Variants in HYDIN observed in about 807,000 individuals in gnomAD.
HYDIN encodes the protein axonemal central pair apparatus protein HYDIN.
Under a neutral mutation model 403.9 loss-of-function variants are expected in HYDIN, and 132 were observed. The observed-to-expected ratio is 0.33, with a 90% confidence interval of 0.28 to 0.38. The LOEUF (loss-of-function observed/expected upper bound fraction) is 0.38. Ranked by LOEUF, HYDIN falls within the 10% of genes least tolerant of loss-of-function variation. The pLI, the probability that HYDIN is intolerant of heterozygous loss-of-function variation, is 1.00. For missense variants in HYDIN, 2,827 were observed against 5,009.5 expected (o/e 0.56, Z 13.15); for synonymous variants, 1,202 against 1,891.7 (o/e 0.64, Z 9.46).
chr16:71,069,877 A>G (rs1164994655), intron 13 of HYDIN, among the ~76,000 whole-genome samples: 2 of 152,206 alleles, frequency 1.3e-5, no homozygotes, highest in Non-Finnish European at 2.9e-5. Context: ...TATTTCTTAC[A>G]CAAAAATATA....
intron 5 of HYDIN, among the ~76,000 whole-genome samples, chr16:71,168,897 A>G (rs1403353572): frequency 6.6e-6 from 1 of 152,208 alleles, no homozygotes; most frequent in Non-Finnish European, 1.5e-5. Flanking sequence ...CTCCCTGTAC[A>G]CTGATGATGG....
At chr16:70,947,012 C>T (rs1440597641) in intron 41 of HYDIN, among the ~76,000 whole-genome samples, 5 of 151,748 alleles carry the variant, frequency 3.3e-5, no homozygotes, top group Non-Finnish European at 5.9e-5. Flanking sequence ...TCCTCTTTTC[C>T]CAATTGAATA....
At chr16:70,917,324 G>C (rs1409266747) in intron 47 of HYDIN, among the ~76,000 whole-genome samples, 1 of 152,366 alleles carries the variant, frequency 6.6e-6, no homozygotes, top group East Asian at 1.9e-4. Context: ...CATGCCCACC[G>C]ACGCTACTGA....
intron 83 of HYDIN, among the ~76,000 whole-genome samples, chr16:70,825,152 A>C (rs1391513428): frequency 6.6e-6 from 1 of 152,156 alleles, no homozygotes; most frequent in Admixed American, 6.5e-5. Context: ...AATCATTCTC[A>C]CTCTGAAATT....
chr16:71,057,708 G>T (rs2081946390), intron 18 of HYDIN, among the ~76,000 whole-genome samples: 1 of 150,928 alleles, frequency 6.6e-6, no homozygotes, highest in South Asian at 2.1e-4. Context: ...CTGACAAAGG[G>T]CTAATATCCA....
chr16:71,094,442 G>A (rs1181544347), intron 10 of HYDIN, among the ~76,000 whole-genome samples: 1 of 152,062 alleles, frequency 6.6e-6, no homozygotes, highest in Non-Finnish European at 1.5e-5. Flanking sequence ...CATTATGGTT[G>A]GTAACTGCAG....
intron 10 of HYDIN, among the ~76,000 whole-genome samples, chr16:71,105,007 T>C (rs1375343924): frequency 1.5e-5 from 2 of 129,734 alleles, no homozygotes; most frequent in Non-Finnish European, 3.2e-5. Context: ...ATCCTAAGAG[T>C]TTGAGGTAAT....
intron 23 of HYDIN, among the ~76,000 whole-genome samples, chr16:70,993,089 C>A (rs896450942): frequency 2.0e-5 from 3 of 152,174 alleles, no homozygotes; most frequent in Non-Finnish European, 2.9e-5. Flanking sequence ...GAAGCTCCCA[C>A]CACTGGCCTA....
chr16:70,955,894 C>T (rs1013931325), intron 39 of HYDIN, among the ~76,000 whole-genome samples: 9 of 152,202 alleles, frequency 5.9e-5, no homozygotes, highest in Non-Finnish European at 1.2e-4. Context: ...TCTCAGCTCA[C>T]CGTAACCTCT....
intron 65 of HYDIN, 137 bp downstream of exon 65, chr16:70,871,900 G>C: frequency 1.9e-6 from 1 of 525,342 alleles, no homozygotes; most frequent in Non-Finnish European, 3.4e-6. Context: ...GTATGAGTGA[G>C]GGATGATTCC....
intron 6 of HYDIN, among the ~76,000 whole-genome samples, chr16:71,157,050 G>A (rs181432225): frequency 1.4e-5 from 2 of 138,828 alleles, no homozygotes; most frequent in East Asian, 2.1e-4. Flanking sequence ...TATACTGTTG[G>A]TTAGGCATCT....
At chr16:71,178,702 G>A (rs888500438) in intron 4 of HYDIN, among the ~76,000 whole-genome samples, 3 of 152,024 alleles carry the variant, frequency 2.0e-5, no homozygotes, top group Non-Finnish European at 4.4e-5. Flanking sequence ...TAGTGCACAC[G>A]TTGGGAGTTC....
Position 70,806,666 on chromosome 16 carries a change from G to A in HYDIN, c.*914C>T, listed in dbSNP as rs1346417240. Among the ~76,000 whole-genome samples, 1 of 152,172 alleles carries A rather than the reference G, an allele frequency of 6.6e-6. No individual in the cohort carries two copies. Among genetic ancestry groups the A allele is most frequent in the Non-Finnish European group, 1.5e-5 (1 of 68,042 alleles). On this transcript the variant is annotated 3_prime_UTR_variant, in exon 86 of 86. Transcript: ENST00000393567. ...CTGCCCCTCTTGTAGGAGGGCTGTG[G>A]GGGATGAGTGTGGGGAGCAGGTAGA...
intron 8 of HYDIN, 89 bp from the exon 9 acceptor site, chr16:71,129,912 T>G: frequency 2.6e-6 from 4 of 1,536,802 alleles, no homozygotes; most frequent in Non-Finnish European, 3.5e-6. Flanking sequence ...CTCCTGGAAA[T>G]GTCCTCAGCC....
At chr16:70,813,756 T>C (rs988453304) in intron 84 of HYDIN, among the ~76,000 whole-genome samples, 11 of 150,492 alleles carry the variant, frequency 7.3e-5, no homozygotes, top group Non-Finnish European at 1.2e-4. Context: ...AAAATTGATA[T>C]GTAAATGTAA....
At chr16:71,133,298 T>C (rs1457125323) in intron 8 of HYDIN, 2 of 456,358 alleles carry the variant, frequency 4.4e-6, no homozygotes, top group African/African-American at 4.0e-5. Flanking sequence ...AAATGGAAAA[T>C]GGATCATGTG....
chr16:70,818,387 G>A lies in HYDIN; in HGVS notation c.14613C>T (p.Pro4871=), dbSNP rs372834763. The A allele has an allele frequency of 2.9e-5, 46 of 1,613,624 alleles. No homozygotes were observed. The highest frequency in any genetic ancestry group is 3.5e-5 in the Non-Finnish European group (41 of 1,179,804). Residue 4871 remains proline (P), a synonymous_variant, in exon 84 of 86, where the codon CCC becomes CCT. Transcript: ENST00000393567. The part of the protein sequence containing the change: ...SVTFSTECRM[P]DIALPSQFVV... ...CAAACTGGGAGGGCAGGGCGATGTCGGGCATCCGGCATTCCGTGGAGAAGG... is the reference window on the plus strand; with the variant it reads ...CAAACTGGGAGGGCAGGGCGATGTCAGGCATCCGGCATTCCGTGGAGAAGG...
At chr16:71,188,094 A>G (rs192694778) in intron 1 of HYDIN, among the ~76,000 whole-genome samples, 4 of 152,302 alleles carry the variant, frequency 2.6e-5, no homozygotes, top group African/African-American at 9.6e-5. Context: ...ATAAAAGCCA[A>G]ACCAGTATCT....
intron 80 of HYDIN, among the ~76,000 whole-genome samples, chr16:70,831,157 T>C (rs7196422): frequency 0.033 from 5,055 of 151,106 alleles, 279 homozygotes; most frequent in African/African-American, 0.12. Flanking sequence ...GAAATGATGG[T>C]ATGTAGACGA....
Sources: allele counts gnomAD v4.1 joint callset (sites outside exome capture counted in the v4.1 genomes callset), GRCh38; gene constraint gnomAD v4.1.1; transcripts MANE v1.5; gene names NCBI Gene and HGNC (gene_info 2026-07-23, HGNC 2026-07-21).